YPEL2: variants seen among roughly 807,000 people sequenced by gnomAD.
The protein encoded by YPEL2 is yippee like 2, also known as protein yippee-like 2.
Under a neutral mutation model 19.1 loss-of-function variants are expected in YPEL2, and 2 were observed. The ratio of observed to expected loss-of-function variants is 0.10; its 90% CI spans 0.04 to 0.33. The LOEUF (loss-of-function observed/expected upper bound fraction) is 0.33, where lower values mean the gene tolerates loss of function less well. YPEL2 is among the 10% of genes least tolerant of loss of function. YPEL2 has a pLI of 1.00. For synonymous variants in YPEL2, 52 were observed against 50.0 expected, an observed-to-expected ratio of 1.04 and a Z score of -0.17; for missense variants, 66 against 140.7, an observed-to-expected ratio of 0.47 and a Z score of 2.68.
At chr17:59,365,934 G>GGC (rs2047866516) in intron 2 of YPEL2, 1 of 152,292 alleles carries the variant, frequency 6.6e-6, no homozygotes, top group Non-Finnish European at 1.5e-5. Context: ...TGGAGCAGGT[G>GGC]GCACTAGTTC....
intron 4 of YPEL2, among the ~76,000 whole-genome samples, chr17:59,395,198 CAT>C (rs1371318672): frequency 6.8e-6 from 1 of 147,902 alleles, no homozygotes; most frequent in African/African-American, 2.6e-5. Context: ...ATTGCTCTGT[CAT>C]GTGTATACAC....
At chr17:59,369,258 G>T (rs2047885211) in intron 2 of YPEL2, among the ~76,000 whole-genome samples, 1 of 152,238 alleles carries the variant, frequency 6.6e-6, no homozygotes, top group African/African-American at 2.4e-5. Context: ...AGTGAAGGTG[G>T]AAATAAGTAG....
At chr17:59,342,184 T>C (rs1286905045) in intron 1 of YPEL2, among the ~76,000 whole-genome samples, 2 of 152,210 alleles carry the variant, frequency 1.3e-5, no homozygotes, top group Non-Finnish European at 2.9e-5. Context: ...TTGGCAGATT[T>C]AGGATGGGTG....
At chr17:59,393,581 T>C (rs1487596908) in intron 4 of YPEL2, among the ~76,000 whole-genome samples, 19 of 148,060 alleles carry the variant, frequency 1.3e-4, no homozygotes, top group Non-Finnish European at 4.5e-5. Flanking sequence ...GGCAGGGTCA[T>C]AGGACAATAG....
intron 4 of YPEL2, among the ~76,000 whole-genome samples, chr17:59,391,411 C>A (rs2048006919): frequency 6.6e-6 from 1 of 151,982 alleles, no homozygotes; most frequent in Non-Finnish European, 1.5e-5. Context: ...AAAATAACAT[C>A]TTTTGGGAAA....
In YPEL2 at chr17:59,353,284, C is replaced by A; in HGVS notation, c.-126C>A. On this transcript the variant is annotated 5_prime_UTR_variant, in exon 2 of 5. Transcript: ENST00000312655. The surrounding 1 kb of genome is among the most constrained non-coding windows in gnomAD (Gnocchi z 4.8). Reference sequence around the variant, plus strand: ...CCGAAGACATCACCAGTGTGTGGAGCCTGCCACACCCACCCGCTGCCAAAC... The same window carrying A: ...CCGAAGACATCACCAGTGTGTGGAGACTGCCACACCCACCCGCTGCCAAAC... The A allele has an allele frequency of 3.0e-6, 2 of 663,396 alleles. No individual in the cohort carries two copies. The highest frequency in any genetic ancestry group is 5.3e-6 in the Non-Finnish European group (2 of 378,182). 41.1% of individuals were successfully genotyped at this position (663,396 alleles called of 1,614,324 possible). A position where few individuals can be genotyped will look rare whatever the true frequency, so the allele number is the denominator to read the frequency against.
Position 59,399,095 on chromosome 17 carries a change from C to G in YPEL2, c.*1905C>G, listed in dbSNP as rs1163230537. 1 of 152,606 alleles carries G rather than the reference C, an allele frequency of 6.6e-6. No individual in the cohort carries two copies. Among genetic ancestry groups the G allele is most frequent in the African/African-American group, 2.4e-5 (1 of 41,436 alleles). The allele number at this position is 152,606 out of a possible 1,614,324, so 9.5% of individuals were successfully genotyped here. A position where few individuals can be genotyped will look rare whatever the true frequency, so the allele number is the denominator to read the frequency against. On this transcript the variant is annotated 3_prime_UTR_variant, in exon 5 of 5. Coordinates refer to ENST00000312655, the MANE Select transcript of YPEL2 (RefSeq NM_001005404.4). The stretch of plus-strand genomic sequence containing the variant: ...TCTCCCCACTTTACTGCAAGGTAGA[C>G]TGAAGTTCAGAAGAAATACTGAATT...
rs567849605 is a variant in YPEL2 at position 59,394,255 on chromosome 17, C to T, written c.271-2846C>T. Reference sequence around the variant, plus strand: ...GCGGAGACACTCCTCACTTCCCACACGGGGTGGCTGCTGGGCGGAGGGTCT... The same window carrying T: ...GCGGAGACACTCCTCACTTCCCACATGGGGTGGCTGCTGGGCGGAGGGTCT... On this transcript the variant is annotated intron_variant, in intron 4 of 4. Coordinates refer to ENST00000312655, the MANE Select transcript of YPEL2 (RefSeq NM_001005404.4). Among the ~76,000 whole-genome samples, 30 of 151,966 alleles carry T rather than the reference C, an allele frequency of 2.0e-4. No homozygotes were observed. The East Asian group carries it at 2.5e-3, about 13-fold the overall frequency.
At chr17:59,375,350 A>G (rs974523062) in intron 2 of YPEL2, among the ~76,000 whole-genome samples, 1 of 152,168 alleles carries the variant, frequency 6.6e-6, no homozygotes, top group Non-Finnish European at 1.5e-5. Flanking sequence ...TTCTCTTTGC[A>G]ACTCCTGAAG....
intron 2 of YPEL2, among the ~76,000 whole-genome samples, chr17:59,365,709 A>G (rs2047865365): frequency 6.6e-6 from 1 of 152,228 alleles, no homozygotes; most frequent in African/African-American, 2.4e-5. Flanking sequence ...CTGGTGACCC[A>G]GAGTATTATC....
chr17:59,382,295 A>G (rs2047953392), intron 2 of YPEL2, among the ~76,000 whole-genome samples: 1 of 152,202 alleles, frequency 6.6e-6, no homozygotes, highest in South Asian at 2.1e-4. Flanking sequence ...GACTCTCTCA[A>G]AACAGGCCTG....
intron 1 of YPEL2, among the ~76,000 whole-genome samples, chr17:59,343,358 T>TG (rs2047741040): frequency 6.6e-6 from 1 of 151,042 alleles, no homozygotes; most frequent in African/African-American, 2.4e-5. Flanking sequence ...TAGACACTAC[T>TG]GGGGGTGGGG....
chr17:59,389,490 T>C (rs781406094), intron 4 of YPEL2, 22 bp downstream of exon 4: 1 of 1,591,702 alleles, frequency 6.3e-7, no homozygotes, highest in Admixed American at 1.7e-5. Context: ...GGAGTTTGGT[T>C]GGTAGAGGGC....
chr17:59,395,270 C>T (rs550726530), intron 4 of YPEL2, among the ~76,000 whole-genome samples: 87 of 152,340 alleles, frequency 5.7e-4, no homozygotes, highest in African/African-American at 2.0e-3. Context: ...CATTGCTGCT[C>T]TGGTGTGCCT....
rs952413486 is a variant in YPEL2 at position 59,332,784 on chromosome 17, G to T, written c.-196+960G>T. On this transcript the variant is annotated intron_variant, in intron 1 of 4. Transcript: ENST00000312655. Reference sequence around the variant, plus strand: ...CCCTCGCCCGCCCCCCAGTCCCGCCGCTGTGAAAGGCCCCAGAGAACTGCT... The same window carrying T: ...CCCTCGCCCGCCCCCCAGTCCCGCCTCTGTGAAAGGCCCCAGAGAACTGCT... Among the ~76,000 whole-genome samples the T allele has an allele frequency of 5.9e-5, 9 of 152,300 alleles. 1 individual carries two copies. In the South Asian group the frequency reaches 8.3e-4, roughly 14 times the overall value.
chr17:59,373,184 G>A (rs2047905050), intron 2 of YPEL2, among the ~76,000 whole-genome samples: 3 of 152,186 alleles, frequency 2.0e-5, no homozygotes, highest in African/African-American at 4.8e-5. Flanking sequence ...ATTATTATAT[G>A]TTGCAAACAT....
intron 1 of YPEL2, among the ~76,000 whole-genome samples, chr17:59,344,641 C>T (rs2047747223): frequency 6.6e-6 from 1 of 152,098 alleles, no homozygotes; most frequent in Admixed American, 6.6e-5. Context: ...GCCTGTAATC[C>T]CAGCTACCCG....
chr17:59,399,783 C>G lies in YPEL2; in HGVS notation c.*2593C>G, dbSNP rs2048060849. 1 of 152,692 alleles carries G rather than the reference C, an allele frequency of 6.5e-6. No homozygotes were observed. The highest frequency in any genetic ancestry group is 2.1e-4 in the South Asian group (1 of 4,818). 9.5% of individuals were successfully genotyped at this position (152,692 alleles called of 1,614,324 possible). A position where few individuals can be genotyped will look rare whatever the true frequency, so the allele number is the denominator to read the frequency against. On this transcript the variant is annotated 3_prime_UTR_variant, in exon 5 of 5. Coordinates refer to ENST00000312655, the MANE Select transcript of YPEL2 (RefSeq NM_001005404.4). ...ATGGAGATGCTAAATTAACTCATGG[C>G]CTCAGTCAGTTCATTCTTTAATTTC...
chr17:59,345,944 G>A (rs769958455), intron 1 of YPEL2, among the ~76,000 whole-genome samples: 4 of 152,050 alleles, frequency 2.6e-5, no homozygotes, highest in South Asian at 2.1e-4. Context: ...GAACCAAGAC[G>A]GAATCCAGGT....
Sources: gnomAD v4.1 joint callset for allele counts (sites outside exome capture counted in the v4.1 genomes callset) on GRCh38, gnomAD v4.1.1 for gene constraint, Gnocchi (gnomAD v3.1) non-coding constraint, MANE v1.5 for transcripts, NCBI Gene and HGNC (gene_info 2026-07-23, HGNC 2026-07-21) for gene names.